The following NAV2 variants were observed in gnomAD, a reference collection of about 807,000 sequenced individuals.
The protein encoded by NAV2 is helicase, APC down-regulated 1.
A neutral mutation model predicts 223.2 loss-of-function variants in NAV2; 54 were observed. That is an observed-to-expected ratio of 0.24 (90% CI 0.19 to 0.30). The LOEUF (loss-of-function observed/expected upper bound fraction) is 0.30, where lower values mean the gene tolerates loss of function less well. NAV2 is among the 10% of genes least tolerant of loss of function. The probability of loss-of-function intolerance (pLI) is 1.00; values close to 1 mark genes in which losing one functional copy is unlikely to be tolerated. For synonymous variants in NAV2, 1,279 were observed against 1,239.3 expected (o/e 1.03, Z -0.67); for missense variants, 2,806 against 3,147.5 (o/e 0.89, Z 2.60).
chr11:19,600,552 T>C (rs970152910), intron 1 of NAV2, among the ~76,000 whole-genome samples: 1 of 152,222 alleles, frequency 6.6e-6, no homozygotes, highest in Non-Finnish European at 1.5e-5. Context: ...CAGTACAGCA[T>C]TGTGGCTAAG....
At chr11:20,107,640 A>G (rs771179262) in intron 35 of NAV2, 24 bp from the exon 36 acceptor site, 3 of 1,573,742 alleles carry the variant, frequency 1.9e-6, no homozygotes, top group Admixed American at 1.7e-5. Flanking sequence ...TTGAGTGCTA[A>G]TGTATTTTCA....
chr11:19,803,773 G>A (rs2058399870), intron 1 of NAV2, among the ~76,000 whole-genome samples: 1 of 152,252 alleles, frequency 6.6e-6, no homozygotes, highest in Admixed American at 6.5e-5. Flanking sequence ...AATTCTGCAT[G>A]CAGCAGAACC....
intron 2 of NAV2, 90 bp from the exon 3 acceptor site, chr11:19,842,781 T>C: frequency 8.5e-7 from 1 of 1,178,824 alleles, no homozygotes; most frequent in Non-Finnish European, 1.3e-6. Context: ...GTATGGGCCT[T>C]AGGACTTGGT....
At chr11:19,388,760 G>A (rs939953958) in intron 1 of NAV2, among the ~76,000 whole-genome samples, 6 of 152,110 alleles carry the variant, frequency 3.9e-5, no homozygotes, top group Admixed American at 1.3e-4. Context: ...TAAAATTCAC[G>A]ATAGCCATAG....
chr11:19,682,267 A>G (rs747832401), intron 1 of NAV2, among the ~76,000 whole-genome samples: 35 of 152,222 alleles, frequency 2.3e-4, no homozygotes, highest in Non-Finnish European at 4.0e-4. Flanking sequence ...TTGCTTCCAC[A>G]TGCTTGGTAT....
At chr11:19,945,057 T>TCTTTC (rs375500871) in intron 8 of NAV2, among the ~76,000 whole-genome samples, 6 of 148,886 alleles carry the variant, frequency 4.0e-5, no homozygotes, top group African/African-American at 7.4e-5. Flanking sequence ...TTTCCTTTTC[T>TCTTTC]CTTTCCTTTC....
At chr11:19,465,428 C>T (rs1852316784) in intron 1 of NAV2, among the ~76,000 whole-genome samples, 2 of 150,074 alleles carry the variant, frequency 1.3e-5, no homozygotes, top group Admixed American at 6.6e-5. Flanking sequence ...TAACCATTAT[C>T]ATCCCAACAG....
chr11:19,895,963 C>T (rs549254321), intron 6 of NAV2, among the ~76,000 whole-genome samples: 28 of 152,138 alleles, frequency 1.8e-4, no homozygotes, highest in Middle Eastern at 3.4e-3. Flanking sequence ...CGGGGAGGGA[C>T]GCTCTTGTGA....
intron 9 of NAV2, among the ~76,000 whole-genome samples, chr11:19,947,668 G>GCTGCAA (rs1464924212): frequency 1.3e-5 from 2 of 152,178 alleles, no homozygotes; most frequent in Non-Finnish European, 2.9e-5. Flanking sequence ...TCTTGACTGG[G>GCTGCAA]CTGCAAGAAA....
chr11:19,948,549 C>A (rs924972190), intron 9 of NAV2, 142 bp from the exon 10 acceptor site: 2 of 770,672 alleles, frequency 2.6e-6, no homozygotes, highest in Non-Finnish European at 3.8e-6. Flanking sequence ...AGAGGAAGCA[C>A]ATCAGGTGGT....
At chr11:19,419,365 T>G (rs1424944776) in intron 1 of NAV2, among the ~76,000 whole-genome samples, 2 of 152,166 alleles carry the variant, frequency 1.3e-5, no homozygotes, top group Admixed American at 1.3e-4. Context: ...GAAACATGTC[T>G]GATATGGAGG....
intron 1 of NAV2, chr11:19,511,475 T>C (rs2043277967): frequency 6.6e-6 from 1 of 152,086 alleles, no homozygotes; most frequent in East Asian, 1.9e-4. Context: ...TCAGGGGTGA[T>C]TAACTCTTCT....
chr11:19,738,106 A>G (rs1185159663), intron 1 of NAV2, among the ~76,000 whole-genome samples: 2 of 152,262 alleles, frequency 1.3e-5, no homozygotes, highest in East Asian at 3.8e-4. Context: ...AAATTCACTG[A>G]CTGGGGAGGC....
intron 1 of NAV2, among the ~76,000 whole-genome samples, chr11:19,555,717 G>A (rs920180618): frequency 6.6e-6 from 1 of 152,116 alleles, no homozygotes; most frequent in East Asian, 1.9e-4. Context: ...AGGGTGTGGG[G>A]TTTGTATGTC....
intron 8 of NAV2, among the ~76,000 whole-genome samples, chr11:19,944,956 C>T (rs1251788112): frequency 6.7e-6 from 1 of 148,386 alleles, no homozygotes; most frequent in Admixed American, 6.8e-5. Flanking sequence ...TTTCCTCTTT[C>T]CTTTCCGTTC....
chr11:20,077,825 G>T (rs554553074), intron 23 of NAV2, among the ~76,000 whole-genome samples, 168 bp from the exon 24 acceptor site: 2 of 152,206 alleles, frequency 1.3e-5, no homozygotes, highest in Non-Finnish European at 2.9e-5. Context: ...GATAGATCTT[G>T]TAGTTATAAT....
In NAV2 at chr11:19,712,899, C is replaced by G. The variant is rs1023170283; in HGVS notation, c.-797C>G. Among the ~76,000 whole-genome samples the G allele has an allele frequency of 6.6e-6, 1 of 151,228 alleles. No homozygotes were observed. The highest frequency in any genetic ancestry group is 1.9e-4 in the East Asian group (1 of 5,148). The stretch of plus-strand genomic sequence containing the variant: ...TTCCCGGGAAGCGCGGCGGCCGCTC[C>G]CGAGCGCAGCCCTGCCCGGCCCGCC... On this transcript the variant is annotated 5_prime_UTR_variant, in exon 1 of 38. Coordinates refer to ENST00000349880, the MANE Select transcript of NAV2 (RefSeq NM_145117.5).
At chr11:19,583,650 C>G (rs543823676) in intron 1 of NAV2, among the ~76,000 whole-genome samples, 4 of 152,234 alleles carry the variant, frequency 2.6e-5, no homozygotes, top group African/African-American at 9.6e-5. Context: ...TGGTTTTTGT[C>G]GTTGGTTCTG....
At chr11:19,583,964 C>T (rs1290338528) in intron 1 of NAV2, among the ~76,000 whole-genome samples, 3 of 152,176 alleles carry the variant, frequency 2.0e-5, no homozygotes, top group Non-Finnish European at 2.9e-5. Context: ...ACCAGCTCCT[C>T]CTTGTACCTC....
Sources: allele counts gnomAD v4.1 joint callset (sites outside exome capture counted in the v4.1 genomes callset), GRCh38; gene constraint gnomAD v4.1.1; transcripts MANE v1.5; gene names NCBI Gene and HGNC (gene_info 2026-07-23, HGNC 2026-07-21).